The following HMGB2 variants were observed in gnomAD, a reference collection of about 807,000 sequenced individuals.
HMGB2 encodes the protein high mobility group box 2.
HMGB2 carries 2 observed loss-of-function variants against 23.0 expected under a neutral mutation model. The observed-to-expected ratio is 0.09, with a 90% CI of 0.04 to 0.27. The LOEUF is 0.27. HMGB2 is among the 10% of genes least tolerant of loss of function. The pLI is 1.00. For missense variants in HMGB2, 178 were observed against 256.5 expected (o/e 0.69, Z 2.09); for synonymous variants, 99 against 87.5 (o/e 1.13, Z -0.73).
Position 173,332,038 on chromosome 4 carries a change from G to GCA in HMGB2, c.*40_*41dup, listed in dbSNP as rs745777808. 7.5e-6 allele frequency: 12 copies of GCA among 1,607,018 alleles called. No individual in the cohort carries two copies. In the East Asian group the frequency reaches 1.6e-4, roughly 21 times the overall value. On this transcript the variant is annotated 3_prime_UTR_variant, in exon 5 of 5. Transcript: ENST00000296503. Reference sequence around the variant, plus strand: ...CATTCTTAGCAAAATAATTGCCTGAGCACACACACACATTCCACACGCATC... The same window carrying GCA: ...CATTCTTAGCAAAATAATTGCCTGAGCACACACACACACATTCCACACGCATC...
At chr4:173,332,503 C>T (rs917562732) in intron 4 of HMGB2, 6 of 479,918 alleles carry the variant, frequency 1.3e-5, no homozygotes, top group African/African-American at 1.2e-4. Context: ...CCTCCTGTAC[C>T]TTCACATTTT....
At chr4:173,334,251 G>T (rs899544271) in intron 1 of HMGB2, 21 bp downstream of exon 1, 1 of 152,208 alleles carries the variant, frequency 6.6e-6, no homozygotes, top group East Asian at 1.9e-4. Flanking sequence ...CGAACCCGAG[G>T]GTATTGGAGG....
chr4:173,333,653 G>A lies in HMGB2; in HGVS notation c.-4C>T. The A allele has an allele frequency of 6.2e-7, 1 of 1,605,988 alleles. No homozygotes were observed. The highest frequency in any genetic ancestry group is 1.7e-5 in the Admixed American group (1 of 59,162). On this transcript the variant is annotated 5_prime_UTR_variant, in exon 2 of 5. Transcript: ENST00000296503. The surrounding 1 kb of genome is among the most constrained non-coding windows in gnomAD (Gnocchi z 4.6). ...TGTTGGGGTCTCCTTTACCCATGTT[G>A]ACAGATCCGCGTCCACCTGACGGGG...
chr4:173,332,282 A>G, intron 4 of HMGB2, 44 bp from the exon 5 acceptor site: 4 of 1,377,694 alleles, frequency 2.9e-6, no homozygotes, highest in Non-Finnish European at 4.0e-6. Flanking sequence ...ATCATTACTC[A>G]ACTGTGAAAA....
intron 4 of HMGB2, chr4:173,332,487 A>G: frequency 5.8e-6 from 3 of 515,832 alleles, no homozygotes; most frequent in Non-Finnish European, 3.4e-6. Context: ...ACACAGTGCC[A>G]TAGTCCCTCC....
intron 4 of HMGB2, 158 bp downstream of exon 4, chr4:173,332,663 G>C: frequency 1.5e-6 from 1 of 674,614 alleles, no homozygotes; most frequent in Non-Finnish European, 2.6e-6. Context: ...CAAAAGGAAG[G>C]TTTCAATTAC....
chr4:173,333,361 G>T lies in HMGB2; in HGVS notation c.150+139C>A, dbSNP rs1313670804. The T allele has an allele frequency of 1.5e-6, 2 of 1,364,332 alleles. No homozygotes were observed. Among genetic ancestry groups the T allele is most frequent in the African/African-American group, 1.5e-5 (1 of 68,368 alleles). The allele number at this position is 1,364,332 out of a possible 1,614,324, so 84.5% of individuals were successfully genotyped here. A position where few individuals can be genotyped will look rare whatever the true frequency, so the allele number is the denominator to read the frequency against. ...TATAAGTAAAAACCTAAAATCGTCTGCCTGGAACTCTTAAGATATTCAGGT... is the reference window on the plus strand; with the variant it reads ...TATAAGTAAAAACCTAAAATCGTCTTCCTGGAACTCTTAAGATATTCAGGT... On this transcript the variant is annotated intron_variant, in intron 2 of 4. Coordinates refer to ENST00000296503, the MANE Select transcript of HMGB2 (RefSeq NM_002129.4). The surrounding 1 kb of genome is among the most constrained non-coding windows in gnomAD (Gnocchi z 4.6).
In HMGB2 at chr4:173,333,316, A is replaced by AT; in HGVS notation, c.151-103dup. ...TAAGGACCACATTTTCCTTAACAGCATTTTGCTTTCGAAGTCTTATATAAG... is the reference window on the plus strand; with the variant it reads ...TAAGGACCACATTTTCCTTAACAGCATTTTTGCTTTCGAAGTCTTATATAAG... On this transcript the variant is annotated intron_variant, in intron 2 of 4. Coordinates refer to ENST00000296503, the MANE Select transcript of HMGB2 (RefSeq NM_002129.4). The surrounding 1 kb of genome is among the most constrained non-coding windows in gnomAD (Gnocchi z 4.6). The AT allele has an allele frequency of 7.0e-7, 1 of 1,424,426 alleles. No individual in the cohort carries two copies. Among genetic ancestry groups the AT allele is most frequent in the African/African-American group, 1.4e-5 (1 of 69,646 alleles). 88.2% of individuals were successfully genotyped at this position (1,424,426 alleles called of 1,614,324 possible).
rs1158155767 is a variant in HMGB2 at position 173,333,040 on chromosome 4, A to C, written c.296+29T>G. 1 of 1,612,428 alleles carries C rather than the reference A, an allele frequency of 6.2e-7. No homozygotes were observed. The highest frequency in any genetic ancestry group is 8.5e-7 in the Non-Finnish European group (1 of 1,178,826). On this transcript the variant is annotated intron_variant, in intron 3 of 4. Transcript: ENST00000296503. The surrounding 1 kb of genome is among the most constrained non-coding windows in gnomAD (Gnocchi z 4.6). ...TTTAATAAACTGAAGGAAAAATCCA[A>C]GGAGCAATTTGGGTTATTTTAAACT...
At position 173,332,812 on chromosome 4, in the gene HMGB2, A is replaced by G. The variant is rs1738140527; in HGVS notation, c.471+9T>C. On this transcript the variant is annotated intron_variant, in intron 4 of 4. Coordinates refer to ENST00000296503, the MANE Select transcript of HMGB2 (RefSeq NM_002129.4). ...CTTATCCACGGCTTTAAAAAAGATG[A>G]CACTGTACCTTTTCATATTTCTCCT... is the stretch of plus-strand genomic sequence containing the variant. The G allele has an allele frequency of 1.2e-6, 2 of 1,611,024 alleles. No individual in the cohort carries two copies. Among genetic ancestry groups the G allele is most frequent in the Admixed American group, 1.7e-5 (1 of 59,948 alleles).
At position 173,333,607 on chromosome 4, in the gene HMGB2, A is replaced by C; in HGVS notation, c.43T>G (p.Ser15Ala). ...CAGGTCTGCACGAAGAAGGCGTACG[A>C]GGACATTTTGCCCCGCGGCTTGTTG... is the stretch of plus-strand genomic sequence containing the variant. ...DPNKPRGKMS[S>A]YAFFVQTCRE... Residue 15 changes from serine (S) to alanine (A), a missense_variant, in exon 2 of 5, where the codon TCG (serine) becomes GCG (alanine). Around this residue, in one of 3 missense-constraint regions of HMGB2, gnomAD observed 90 missense variants for 114.4 expected, o/e 0.79. Transcript: ENST00000296503. The surrounding 1 kb of genome is among the most constrained non-coding windows in gnomAD (Gnocchi z 4.6). 1 of 1,614,116 alleles carries C rather than the reference A, an allele frequency of 6.2e-7. No homozygotes were observed. Among genetic ancestry groups the C allele is most frequent in the Non-Finnish European group, 8.5e-7 (1 of 1,179,980 alleles).
rs769040496 is a variant in HMGB2, at chr4:173,333,512, C to A, written c.138G>T (p.Ser46=). 6.2e-7 allele frequency: 1 copy of A among 1,613,688 alleles called. No homozygotes were observed. Among genetic ancestry groups the A allele is most frequent in the Non-Finnish European group, 8.5e-7 (1 of 1,179,714 alleles). ...VNFAEFSKKC[S]ERWKTMSAKE... ...TCTCCTGCCTCACCTTCCATCTCTC[C>A]GAACACTTCTTGGAGAATTCCGCGA... is the stretch of plus-strand genomic sequence containing the variant. The change falls in exon 2 of 5, where the codon TCG becomes TCT. Residue 46 remains serine (S), a synonymous_variant. Coordinates refer to ENST00000296503, the MANE Select transcript of HMGB2 (RefSeq NM_002129.4). The surrounding 1 kb of genome is among the most constrained non-coding windows in gnomAD (Gnocchi z 4.6).
Position 173,333,493 on chromosome 4 carries a change from G to C in HMGB2, c.150+7C>G, listed in dbSNP as rs1738161737. The C allele has an allele frequency of 5.6e-6, 9 of 1,611,576 alleles. No homozygotes were observed. The highest frequency in any genetic ancestry group is 1.3e-5 in the African/African-American group (1 of 74,910). On this transcript the variant is annotated splice_region_variant and intron_variant, in intron 2 of 4. Transcript: ENST00000296503. This position sits in a 1 kb window ranked among gnomAD's most constrained non-coding sequence, Gnocchi z 4.6. ...ACCCCCTGAGCTCCGTCCCTCTCCTGCCTCACCTTCCATCTCTCCGAACAC... is the reference window on the plus strand; with the variant it reads ...ACCCCCTGAGCTCCGTCCCTCTCCTCCCTCACCTTCCATCTCTCCGAACAC...
rs1553961505 is a variant in HMGB2 at position 173,332,958 on chromosome 4, T to C, written c.334A>G (p.Lys112Glu). 4 of 1,614,194 alleles carry C rather than the reference T, an allele frequency of 2.5e-6. No homozygotes were observed. The highest frequency in any genetic ancestry group is 3.4e-6 in the Non-Finnish European group (4 of 1,180,030). Residue 112 changes from lysine to glutamate, a missense_variant, in exon 4 of 5, where the codon AAG becomes GAG. Lys to Glu is a moderately conservative substitution (Grantham distance 56, BLOSUM62 1). Around this residue, in one of 3 missense-constraint regions of HMGB2, gnomAD observed 43 missense variants for 103.3 expected, o/e 0.42. Coordinates refer to ENST00000296503, the MANE Select transcript of HMGB2 (RefSeq NM_002129.4). ...FFLFCSEHRPKIKSEHPGLSI... is the reference protein window; with the variant it reads ...FFLFCSEHRPEIKSEHPGLSI... ...AGGCCAGGGTGTTCACTTTTGATCTTTGGGCGATGTTCAGAGCAAAACAGG... is the reference window on the plus strand; with the variant it reads ...AGGCCAGGGTGTTCACTTTTGATCTCTGGGCGATGTTCAGAGCAAAACAGG...
Position 173,332,017 on chromosome 4 carries a change from C to A in HMGB2, c.*63G>T. 1 of 1,603,260 alleles carries A rather than the reference C, an allele frequency of 6.2e-7. No homozygotes were observed. The highest frequency in any genetic ancestry group is 8.5e-7 in the Non-Finnish European group (1 of 1,175,628). Reference sequence around the variant, plus strand: ...ATTGAGCTGCACTTGAATTCACATTCTTAGCAAAATAATTGCCTGAGCACA... The same window carrying A: ...ATTGAGCTGCACTTGAATTCACATTATTAGCAAAATAATTGCCTGAGCACA... On this transcript the variant is annotated 3_prime_UTR_variant, in exon 5 of 5. Transcript: ENST00000296503.
In HMGB2 at chr4:173,332,709, TC is replaced by T; in HGVS notation, c.471+111del. ...AGTGTACAATTTTCATTAGGCCTTT[TC>T]AAAACATAGCTGACAACCATTAATA... On this transcript the variant is annotated intron_variant, in intron 4 of 4. Coordinates refer to ENST00000296503, the MANE Select transcript of HMGB2 (RefSeq NM_002129.4). 5.0e-6 allele frequency: 5 copies of T among 1,001,078 alleles called. No individual in the cohort carries two copies. The South Asian group carries it at 7.9e-5, about 16-fold the overall frequency. The allele number at this position is 1,001,078 out of a possible 1,614,324, so 62.0% of individuals were successfully genotyped here. A position where few individuals can be genotyped will look rare whatever the true frequency, so the allele number is the denominator to read the frequency against.
Position 173,334,262 on chromosome 4 carries a change from G to C in HMGB2, c.-21+10C>G, listed in dbSNP as rs1738195568. On this transcript the variant is annotated intron_variant, in intron 1 of 4. Transcript: ENST00000296503. ...TCCACGAACCCGAGGGTATTGGAGG[G>C]TATTCTTGCCTGGTGCGAGCTTTTC... is the stretch of plus-strand genomic sequence containing the variant. 1 of 152,348 alleles carries C rather than the reference G, an allele frequency of 6.6e-6. No individual in the cohort carries two copies. Among genetic ancestry groups the C allele is most frequent in the Non-Finnish European group, 1.5e-5 (1 of 68,158 alleles). 9.4% of individuals were successfully genotyped at this position (152,348 alleles called of 1,614,324 possible).
At position 173,332,195 on chromosome 4, in the gene HMGB2, T is replaced by A; in HGVS notation, c.515A>T (p.Lys172Met). Residue 172 changes from lysine (K) to methionine (M), a missense_variant, in exon 5 of 5, where the codon AAG becomes ATG. Lys to Met is a moderately conservative substitution (Grantham distance 95, BLOSUM62 -1). This residue lies in a region of HMGB2 where 43 missense variants were observed against 103.3 expected (regional missense o/e 0.42). Coordinates refer to ENST00000296503, the MANE Select transcript of HMGB2 (RefSeq NM_002129.4). The stretch of plus-strand genomic sequence containing the variant: ...GCCTGTTGGCCTGCCAGGGCCCTTC[T>A]TTCCTGCTTCACTTTTGCCCTTGGC... ...YRAKGKSEAGKKGPGRPTGSK... is the reference protein window; with the variant it reads ...YRAKGKSEAGMKGPGRPTGSK... 5 of 1,609,662 alleles carry A rather than the reference T, an allele frequency of 3.1e-6. No homozygotes were observed. Among genetic ancestry groups the A allele is most frequent in the Non-Finnish European group, 4.2e-6 (5 of 1,178,108 alleles).
Position 173,334,356 on chromosome 4 carries a change from T to C in HMGB2, c.-105A>G, listed in dbSNP as rs1411815843. The C allele has an allele frequency of 6.6e-6, 1 of 152,270 alleles. No individual in the cohort carries two copies. Among genetic ancestry groups the C allele is most frequent in the African/African-American group, 2.4e-5 (1 of 41,420 alleles). 9.4% of individuals were successfully genotyped at this position (152,270 alleles called of 1,614,324 possible). The stretch of plus-strand genomic sequence containing the variant: ...CTCACGGGGCTCCGGCGTGAACTGG[T>C]TTATCTCTAACGCAATCCTCAGCCT... On this transcript the variant is annotated 5_prime_UTR_variant, in exon 1 of 5. Coordinates refer to ENST00000296503, the MANE Select transcript of HMGB2 (RefSeq NM_002129.4).
Sources: gnomAD v4.1 joint callset for allele counts on GRCh38, gnomAD v4.1.1 for gene constraint, gnomAD v4.1.1 regional missense constraint, Gnocchi (gnomAD v3.1) non-coding constraint, MANE v1.5 for transcripts, NCBI Gene and HGNC (gene_info 2026-07-23, HGNC 2026-07-21) for gene names.